GPC5: variants seen among roughly 807,000 people sequenced by gnomAD.
GPC5 encodes the protein glypican-5.
In GPC5, 47 loss-of-function variants were observed where a neutral mutation model predicts 53.9. That is an observed-to-expected ratio of 0.87 (90% confidence interval 0.69 to 1.11). The LOEUF (loss-of-function observed/expected upper bound fraction) is 1.11. Ranked by LOEUF, GPC5 falls within the 50% of genes most tolerant of loss-of-function variation. GPC5 has a pLI of 0.00. For missense variants in GPC5, 748 were observed against 713.1 expected (o/e 1.05, Z -0.56); for synonymous variants, 286 against 263.3 (o/e 1.09, Z -0.84).
chr13:92,693,582 G>A (rs1174340778), intron 7 of GPC5, among the ~76,000 whole-genome samples: 1 of 152,146 alleles, frequency 6.6e-6, no homozygotes, highest in Non-Finnish European at 1.5e-5. Context: ...ATAATTTAGG[G>A]CATCTGGTGG....
rs143873644 is a variant in GPC5 at position 91,591,592 on chromosome 13, CTT to C, written c.326-101591_326-101590del. Among the ~76,000 whole-genome samples, 789 of 152,248 alleles carry C rather than the reference CTT, an allele frequency of 5.2e-3. 9 individuals carry two copies. The highest frequency in any genetic ancestry group is 0.018 in the African/African-American group (751 of 41,538). On this transcript the variant is annotated intron_variant, in intron 2 of 7. Transcript: ENST00000377067. The stretch of plus-strand genomic sequence containing the variant: ...TACAAATATGTCATAGATTTGGTCT[CTT>C]TTTATAATCCCATGTGTCTTGGAAG...
intron 7 of GPC5, among the ~76,000 whole-genome samples, chr13:92,282,487 C>A (rs2042923425): frequency 6.6e-6 from 1 of 152,088 alleles, no homozygotes; most frequent in African/African-American, 2.4e-5. Context: ...ATGTTAAGGG[C>A]AGCAAGAGAG....
At chr13:92,342,829 T>C (rs2043378435) in intron 7 of GPC5, among the ~76,000 whole-genome samples, 1 of 152,138 alleles carries the variant, frequency 6.6e-6, no homozygotes, top group South Asian at 2.1e-4. Flanking sequence ...ATAACCACTT[T>C]GTATTACTTT....
rs148528764 is a variant in GPC5, at chr13:92,089,581, C to G, written c.1402-55249C>G. On this transcript the variant is annotated intron_variant, in intron 6 of 7. Coordinates refer to ENST00000377067, the MANE Select transcript of GPC5 (RefSeq NM_004466.6). ...ATATTTTAATATCTTATCTTGAAAT[C>G]ATAAGATGTATTTGTTCAACCAAAT... Among the ~76,000 whole-genome samples, 320 of 152,146 alleles carry G rather than the reference C, an allele frequency of 2.1e-3. 2 individuals are homozygous for G. The highest frequency in any genetic ancestry group is 7.3e-3 in the African/African-American group (302 of 41,484).
intron 6 of GPC5, among the ~76,000 whole-genome samples, chr13:91,986,126 C>T (rs1039931370): frequency 6.6e-5 from 8 of 121,942 alleles, no homozygotes; most frequent in Non-Finnish European, 1.1e-4. Flanking sequence ...AGTGCAGTGG[C>T]GAGATCTGGG....
chr13:92,752,771 A>G (rs1187278807), intron 7 of GPC5, among the ~76,000 whole-genome samples: 3 of 152,120 alleles, frequency 2.0e-5, no homozygotes, highest in East Asian at 3.9e-4. Flanking sequence ...CGAATACTGC[A>G]CTTTTCCAAC....
chr13:92,615,936 C>G (rs1278876676), intron 7 of GPC5, among the ~76,000 whole-genome samples: 1 of 152,140 alleles, frequency 6.6e-6, no homozygotes, highest in Non-Finnish European at 1.5e-5. Context: ...TGCCTGTAGT[C>G]CCAGCTACTT....
chr13:92,714,332 T>A (rs1888254091), intron 7 of GPC5, among the ~76,000 whole-genome samples: 1 of 152,220 alleles, frequency 6.6e-6, no homozygotes, highest in Non-Finnish European at 1.5e-5. Flanking sequence ...TGTTGATAGA[T>A]CATCAGAAGC....
At chr13:91,554,267 A>T (rs998585509) in intron 2 of GPC5, among the ~76,000 whole-genome samples, 2 of 152,042 alleles carry the variant, frequency 1.3e-5, no homozygotes, top group African/African-American at 4.8e-5. Context: ...ACACCCCCAC[A>T]CAGAGATACA....
At chr13:92,814,741 A>T (rs543561720) in intron 7 of GPC5, among the ~76,000 whole-genome samples, 1 of 151,922 alleles carries the variant, frequency 6.6e-6, no homozygotes, top group Admixed American at 6.6e-5. Flanking sequence ...AGTACAGGCC[A>T]AGATGCTGAA....
In GPC5 at chr13:92,106,320, T is replaced by C. The variant is rs1317104793; in HGVS notation, c.1402-38510T>C. Among the ~76,000 whole-genome samples, 3 of 152,044 alleles carry C rather than the reference T, an allele frequency of 2.0e-5. No homozygotes were observed. In the South Asian group the frequency reaches 6.2e-4, roughly 31 times the overall value. ...CACTTAAACAGGCAGTATATGCACATTTGTAAAAATAAAAGATTGAGTTAA... is the reference window on the plus strand; with the variant it reads ...CACTTAAACAGGCAGTATATGCACACTTGTAAAAATAAAAGATTGAGTTAA... On this transcript the variant is annotated intron_variant, in intron 6 of 7. Coordinates refer to ENST00000377067, the MANE Select transcript of GPC5 (RefSeq NM_004466.6).
intron 2 of GPC5, among the ~76,000 whole-genome samples, chr13:91,630,013 A>G (rs1330949074): frequency 6.6e-6 from 1 of 151,950 alleles, no homozygotes; most frequent in East Asian, 1.9e-4. Flanking sequence ...TCTCTCACCT[A>G]CTGTGTTTTC....
intron 7 of GPC5, among the ~76,000 whole-genome samples, chr13:92,434,750 G>T (rs1877233625): frequency 6.6e-6 from 1 of 152,092 alleles, no homozygotes; most frequent in Admixed American, 6.6e-5. Context: ...TCTCCCAGAG[G>T]TATTAAAATA....
At chr13:91,803,394 G>A (rs1283218954) in intron 5 of GPC5, among the ~76,000 whole-genome samples, 3 of 152,046 alleles carry the variant, frequency 2.0e-5, no homozygotes, top group African/African-American at 4.8e-5. Context: ...GTTAACCTAA[G>A]TATTATTTTT....
Position 92,180,408 on chromosome 13 carries a change from T to C in GPC5, c.1561+35419T>C, listed in dbSNP as rs577668852. On this transcript the variant is annotated intron_variant, in intron 7 of 7. Transcript: ENST00000377067. ...CAACAATTTAAGCTGGATTTTCTCT[T>C]TGTGAATGTGTATGTATTTGTGGAA... is the stretch of plus-strand genomic sequence containing the variant. Among the ~76,000 whole-genome samples the C allele has an allele frequency of 1.5e-4, 23 of 152,368 alleles. No individual in the cohort carries two copies. In the South Asian group the frequency reaches 4.8e-3, roughly 32 times the overall value.
chr13:91,873,110 T>A (rs1360661512), intron 5 of GPC5, among the ~76,000 whole-genome samples: 2 of 152,230 alleles, frequency 1.3e-5, no homozygotes, highest in East Asian at 3.8e-4. Context: ...GCAATTGCCA[T>A]AGAAAATGAT....
intron 3 of GPC5, among the ~76,000 whole-genome samples, chr13:91,725,949 T>A (rs1365618057): frequency 6.6e-6 from 1 of 152,204 alleles, no homozygotes. Flanking sequence ...CTTTGCTTCT[T>A]TATTTCAAAC....
chr13:91,859,431 A>G (rs1203827927), intron 5 of GPC5, among the ~76,000 whole-genome samples: 1 of 152,014 alleles, frequency 6.6e-6, no homozygotes, highest in South Asian at 2.1e-4. Flanking sequence ...ACTATGAGCA[A>G]CCATAGGCCA....
intron 6 of GPC5, among the ~76,000 whole-genome samples, chr13:91,972,410 C>A (rs1388765493): frequency 6.6e-6 from 1 of 152,100 alleles, no homozygotes; most frequent in African/African-American, 2.4e-5. Flanking sequence ...TGGGTCTTGA[C>A]TCTTTATCCA....
Sources: gnomAD v4.1 joint callset for allele counts (sites outside exome capture counted in the v4.1 genomes callset) on GRCh38, gnomAD v4.1.1 for gene constraint, MANE v1.5 for transcripts, NCBI Gene and HGNC (gene_info 2026-07-23, HGNC 2026-07-21) for gene names.